The following TTN variants were observed in gnomAD, a reference collection of about 807,000 sequenced individuals.
TTN encodes connectin.
In TTN, 1,525 loss-of-function variants were observed where a neutral mutation model predicts 3,223.0. The ratio of observed to expected loss-of-function variants is 0.47; its 90% confidence interval spans 0.45 to 0.49. The LOEUF is 0.49. Among genes scored for constraint, TTN ranks in the 20% least tolerant of loss-of-function variants. The pLI is 0.00. For synonymous variants in TTN, 14,094 were observed against 15,161.0 expected, an observed-to-expected ratio of 0.93 and a Z score of 5.17; for missense variants, 40,786 against 43,424.0, an observed-to-expected ratio of 0.94 and a Z score of 5.40.
Position 178,635,214 on chromosome 2 carries a change from T to C in TTN, c.41975A>G (p.Asp13992Gly). ...ASFDAEISEADIPGQWKLKGE... is the reference protein window; with the variant it reads ...ASFDAEISEAGIPGQWKLKGE... ...TTTCAGTTTCCATTGTCCAGGAATG[T>C]CTGCCTCTGAGATTTCTGCATCAAA... Residue 13992 changes from aspartate to glycine, a missense_variant, in exon 228 of 363, where the codon GAC becomes GGC. Transcript: ENST00000589042. The C allele has an allele frequency of 5.0e-6, 8 of 1,613,374 alleles. No individual in the cohort carries two copies. Among genetic ancestry groups the C allele is most frequent in the Non-Finnish European group, 6.8e-6 (8 of 1,179,516 alleles).
At chr2:178,723,823 A>G in intron 73 of TTN, 33 bp downstream of exon 73, 1 of 1,566,474 alleles carries the variant, frequency 6.4e-7, no homozygotes, top group Non-Finnish European at 8.7e-7. Flanking sequence ...GGAATTTGTA[A>G]GAAATTCCTT....
At position 178,738,226 on chromosome 2, in the gene TTN, T is replaced by G; in HGVS notation, c.14227A>C (p.Ser4743Arg). 1 of 1,613,640 alleles carries G rather than the reference T, an allele frequency of 6.2e-7. No homozygotes were observed. Among genetic ancestry groups the G allele is most frequent in the Non-Finnish European group, 8.5e-7 (1 of 1,179,760 alleles). ...WFKAGREIYESDKCSIRSSKY... is the reference protein window; with the variant it reads ...WFKAGREIYERDKCSIRSSKY... ...GAAGATCGAATAGAACACTTGTCAC[T>G]CTCATAAATTTCTCGGCCAGCTTTA... The change falls in exon 49 of 363, where the codon AGT becomes CGT. Residue 4743 changes from serine (S) to arginine (R), a missense_variant. Ser to Arg is a moderately radical substitution (Grantham distance 110, BLOSUM62 -1). Transcript: ENST00000589042.
intron 214 of TTN, 70 bp from the exon 215 acceptor site, chr2:178,647,214 A>G: frequency 8.7e-7 from 1 of 1,149,436 alleles, no homozygotes; most frequent in East Asian, 2.6e-5. Context: ...ATTCTAACAT[A>G]TCAACCTAGT....
At position 178,593,220 on chromosome 2, in the gene TTN, C is replaced by T; in HGVS notation, c.58988G>A (p.Gly19663Glu). 6.2e-7 allele frequency: 1 copy of T among 1,613,412 alleles called. No individual in the cohort carries two copies. Among genetic ancestry groups the T allele is most frequent in the Non-Finnish European group, 8.5e-7 (1 of 1,179,594 alleles). Residue 19663 changes from glycine to glutamate, a missense_variant, in exon 299 of 363, where the codon GGA becomes GAA. Physicochemically the swap from Gly to Glu is moderately conservative, Grantham distance 98. Transcript: ENST00000589042. ...RVSAENEIGI[G>E]DPSPPSKPVF... ...TGGTTTGGATGGTGGGCTTGGATCT[C>T]CAATACCAATTTCATTTTCTGCAGA...
At chr2:178,603,529 G>T (rs2054001218) in intron 282 of TTN, among the ~76,000 whole-genome samples, 1 of 151,924 alleles carries the variant, frequency 6.6e-6, no homozygotes, top group South Asian at 2.1e-4. Flanking sequence ...TTTAGTGGGA[G>T]AGATGATTTC....
intron 6 of TTN, chr2:178,798,651 A>T (rs1340713229): frequency 6.6e-6 from 1 of 152,214 alleles, no homozygotes; most frequent in East Asian, 1.9e-4. Context: ...TTTACAGATG[A>T]CACAACTGAA....
At chr2:178,781,371 C>A in intron 20 of TTN, 108 bp from the exon 21 acceptor site, 3 of 1,263,788 alleles carry the variant, frequency 2.4e-6, no homozygotes, top group African/African-American at 3.0e-5. Flanking sequence ...TTCAATGACC[C>A]TAAACATATG....
At position 178,621,382 on chromosome 2, in the gene TTN, G is replaced by T. The variant is rs1419042996; in HGVS notation, c.45350-14C>A. 1 of 1,606,752 alleles carries T rather than the reference G, an allele frequency of 6.2e-7. No homozygotes were observed. Among genetic ancestry groups the T allele is most frequent in the South Asian group, 1.1e-5 (1 of 89,428 alleles). ...CAGCAGCCAGTTCTGGGAAGAAAAAGTTACAAGATATTAGAAACATATGTC... is the reference window on the plus strand; with the variant it reads ...CAGCAGCCAGTTCTGGGAAGAAAAATTTACAAGATATTAGAAACATATGTC... On this transcript the variant is annotated splice_polypyrimidine_tract_variant and intron_variant, in intron 245 of 362. Coordinates refer to ENST00000589042, the MANE Select transcript of TTN (RefSeq NM_001267550.2).
At position 178,561,261 on chromosome 2, in the gene TTN, G is replaced by T; in HGVS notation, c.84871C>A (p.Arg28291Ser). Residue 28291 changes from arginine to serine, a missense_variant, in exon 326 of 363, where the codon CGC becomes AGC. Physicochemically the swap from Arg to Ser is moderately radical, Grantham distance 110. Coordinates refer to ENST00000589042, the MANE Select transcript of TTN (RefSeq NM_001267550.2). ...CACCGGCCATCTGGTAGTTCTCTGC[G>T]TTCAACAATGTATCCTGTGATCTTA... ...GAKITGYIVE[R>S]RELPDGRWLK... 6.2e-7 allele frequency: 1 copy of T among 1,613,660 alleles called. No homozygotes were observed. The highest frequency in any genetic ancestry group is 8.5e-7 in the Non-Finnish European group (1 of 1,179,778).
In TTN at chr2:178,526,553, A is replaced by G. The variant is rs1164062013; in HGVS notation, c.*459T>C. 1 of 154,062 alleles carries G rather than the reference A, an allele frequency of 6.5e-6. No individual in the cohort carries two copies. Among genetic ancestry groups the G allele is most frequent in the Non-Finnish European group, 1.4e-5 (1 of 69,078 alleles). The allele number at this position is 154,062 out of a possible 1,614,324, so 9.5% of individuals were successfully genotyped here. A position where few individuals can be genotyped will look rare whatever the true frequency, so the allele number is the denominator to read the frequency against. On this transcript the variant is annotated 3_prime_UTR_variant, in exon 363 of 363. Transcript: ENST00000589042. ...TCTGATTCAGTAGGTATTGGTGCAC[A>G]TATCAAGTGATATGCACAGCATCAT...
In TTN at chr2:178,773,305, C is replaced by T; in HGVS notation, c.7659G>A (p.Glu2553=). 1 of 1,613,926 alleles carries T rather than the reference C, an allele frequency of 6.2e-7. No individual in the cohort carries two copies. The highest frequency in any genetic ancestry group is 1.1e-5 in the South Asian group (1 of 91,068). The change falls in exon 33 of 363, where the codon GAG becomes GAA. Residue 2553 remains glutamate (E), a synonymous_variant. Coordinates refer to ENST00000589042, the MANE Select transcript of TTN (RefSeq NM_001267550.2). ...TCTETQNVVF[E]VELSHSGIDV... ...CAATTCCAGAGTGGGACAGCTCAAC[C>T]TCAAACACCACATTTTGAGTTTCTG...
At chr2:178,630,685 G>A in intron 238 of TTN, 119 bp downstream of exon 238, 1 of 1,423,906 alleles carries the variant, frequency 7.0e-7, no homozygotes, top group Non-Finnish European at 9.5e-7. Context: ...TTTGGCTTAG[G>A]GTCTGATAGA....
At chr2:178,703,586 A>G (rs1409759492) in intron 106 of TTN, among the ~76,000 whole-genome samples, 1 of 152,248 alleles carries the variant, frequency 6.6e-6, no homozygotes. Flanking sequence ...GAAAATGTGT[A>G]TAATCAATTA....
intron 22 of TTN, 125 bp downstream of exon 22, chr2:178,779,875 A>G: frequency 5.6e-6 from 5 of 892,396 alleles, no homozygotes; most frequent in Non-Finnish European, 6.9e-6. Flanking sequence ...ACTTAGCAAC[A>G]GTGAACTTGG....
At position 178,788,238 on chromosome 2, in the gene TTN, G is replaced by C. The variant is rs147267439; in HGVS notation, c.2076+1122C>G. Among the ~76,000 whole-genome samples the C allele has an allele frequency of 1.6e-4, 25 of 152,142 alleles. No homozygotes were observed. In the East Asian group the frequency reaches 4.8e-3, roughly 29 times the overall value. On this transcript the variant is annotated intron_variant, in intron 13 of 362. Transcript: ENST00000589042. ...TTGTTTAATAGTGAATCCTTCTCTAGTCATTGGCGGTGTGGCTGGTTCAGC... is the reference window on the plus strand; with the variant it reads ...TTGTTTAATAGTGAATCCTTCTCTACTCATTGGCGGTGTGGCTGGTTCAGC...
In TTN at chr2:178,579,866, T is replaced by A. The variant is rs765532444; in HGVS notation, c.67349-18A>T. The A allele has an allele frequency of 1.2e-6, 2 of 1,612,270 alleles. No individual in the cohort carries two copies. The highest frequency in any genetic ancestry group is 1.7e-6 in the Non-Finnish European group (2 of 1,179,276). ...AGGAGTTTCTAAAGCAAAGGAGAAA[T>A]GATAAGTGTAAGCCCCATATAACAA... is the stretch of plus-strand genomic sequence containing the variant. On this transcript the variant is annotated intron_variant, in intron 318 of 362. Transcript: ENST00000589042.
chr2:178,557,210 C>A, intron 329 of TTN, 43 bp downstream of exon 329: 1 of 1,612,934 alleles, frequency 6.2e-7, no homozygotes, highest in Non-Finnish European at 8.5e-7. Context: ...GTAAGATTTG[C>A]ATTTTTGTTA....
chr2:178,571,566 A>G lies in TTN; in HGVS notation c.74566T>C (p.Trp24856Arg). ...GCAACTGTAGCTGATACAATTTGCCAGGTGGTTGTGGAAGTGTCCCGTTTC... is the reference window on the plus strand; with the variant it reads ...GCAACTGTAGCTGATACAATTTGCCGGGTGGTTGTGGAAGTGTCCCGTTTC... ...VEKRDTSTTT[W>R]QIVSATVART... is the part of the protein sequence containing the mutation. The change falls in exon 326 of 363, where the codon TGG becomes CGG. Residue 24856 changes from tryptophan to arginine, a missense_variant. Coordinates refer to ENST00000589042, the MANE Select transcript of TTN (RefSeq NM_001267550.2). 1 of 1,613,268 alleles carries G rather than the reference A, an allele frequency of 6.2e-7. No individual in the cohort carries two copies. The highest frequency in any genetic ancestry group is 1.1e-5 in the South Asian group (1 of 91,062).
rs1224786438 is a variant in TTN, at chr2:178,729,556, G to C, written c.18600C>G (p.Thr6200=). 1.2e-6 allele frequency: 2 copies of C among 1,612,346 alleles called. No individual in the cohort carries two copies. Among genetic ancestry groups the C allele is most frequent in the African/African-American group, 1.3e-5 (1 of 74,748 alleles). ...CCACAGGCTTCAGCTCTCTGATAAAGGTGGGGGGTTCTAAAGATTCAAAAG... is the reference window on the plus strand; with the variant it reads ...CCACAGGCTTCAGCTCTCTGATAAACGTGGGGGGTTCTAAAGATTCAAAAG... ...SIELKVKEPP[T]FIRELKPVEV... The change falls in exon 64 of 363, where the codon ACC becomes ACG. Residue 6200 remains threonine (T), a synonymous_variant. Coordinates refer to ENST00000589042, the MANE Select transcript of TTN (RefSeq NM_001267550.2).
Sources: gnomAD v4.1 joint callset for allele counts (sites outside exome capture counted in the v4.1 genomes callset) on GRCh38, gnomAD v4.1.1 for gene constraint, MANE v1.5 for transcripts, NCBI Gene and HGNC (gene_info 2026-07-23, HGNC 2026-07-21) for gene names.